GLIS1: variants seen among roughly 807,000 people sequenced by gnomAD.
GLIS1 encodes zinc finger protein GLIS1.
In GLIS1, 24 loss-of-function variants were observed where a neutral mutation model predicts 63.8. The observed-to-expected ratio is 0.38, with a 90% confidence interval of 0.27 to 0.53. The LOEUF (loss-of-function observed/expected upper bound fraction) is 0.53. Ranked by LOEUF, GLIS1 falls within the 20% of genes least tolerant of loss-of-function variation. The probability of loss-of-function intolerance (pLI) is 0.85; values close to 1 mark genes in which losing one functional copy is unlikely to be tolerated. For synonymous variants in GLIS1, 450 were observed against 482.5 expected, an observed-to-expected ratio of 0.93 and a Z score of 0.88; for missense variants, 1,036 against 1,074.1, an observed-to-expected ratio of 0.96 and a Z score of 0.50.
At chr1:53,641,595 C>T (rs1021747604) in intron 2 of GLIS1, among the ~76,000 whole-genome samples, 12 of 152,102 alleles carry the variant, frequency 7.9e-5, no homozygotes, top group South Asian at 2.1e-4. Flanking sequence ...AAACTCTGGC[C>T]CGTGGGTGTG....
chr1:53,714,555 T>C (rs1195529291), intron 2 of GLIS1, among the ~76,000 whole-genome samples: 2 of 152,220 alleles, frequency 1.3e-5, no homozygotes, highest in Non-Finnish European at 2.9e-5. Flanking sequence ...CAGTCCACGA[T>C]GGTCTGAAAG....
intron 3 of GLIS1, among the ~76,000 whole-genome samples, chr1:53,595,318 C>T (rs12072004): frequency 6.6e-5 from 10 of 151,952 alleles, no homozygotes; most frequent in South Asian, 2.1e-4. Context: ...GGAGTGTTCA[C>T]GACCAGCTTG....
chr1:53,629,862 G>C (rs1053340774), intron 2 of GLIS1, among the ~76,000 whole-genome samples: 2 of 152,194 alleles, frequency 1.3e-5, no homozygotes, highest in African/African-American at 4.8e-5. Context: ...TGCAGGCCTT[G>C]AGAAGGCCAC....
intron 4 of GLIS1, among the ~76,000 whole-genome samples, chr1:53,537,588 C>T (rs1184751604): frequency 6.6e-6 from 1 of 152,172 alleles, no homozygotes; most frequent in East Asian, 1.9e-4. Context: ...CCACAAACGG[C>T]TGGTAGAAGT....
chr1:53,575,907 G>C (rs1278278055), intron 4 of GLIS1, among the ~76,000 whole-genome samples: 2 of 152,216 alleles, frequency 1.3e-5, no homozygotes, highest in East Asian at 3.9e-4. Flanking sequence ...GGGCCCCAAG[G>C]GGGTACAGTG....
chr1:53,674,933 C>T (rs933293444), intron 2 of GLIS1, among the ~76,000 whole-genome samples: 1 of 152,154 alleles, frequency 6.6e-6, no homozygotes, highest in Non-Finnish European at 1.5e-5. Context: ...AGAGAGATTA[C>T]AAGCAGATTT....
intron 4 of GLIS1, among the ~76,000 whole-genome samples, chr1:53,544,439 T>C (rs66934954): frequency 0.2 from 30,910 of 152,158 alleles, 3,538 homozygotes; most frequent in South Asian, 0.33. Flanking sequence ...CCTGCCACTC[T>C]CTTCCCTGGC....
At chr1:53,712,707 T>A (rs187737715) in intron 2 of GLIS1, among the ~76,000 whole-genome samples, 1 of 152,252 alleles carries the variant, frequency 6.6e-6, no homozygotes, top group East Asian at 1.9e-4. Flanking sequence ...CTGGCAGAAG[T>A]GGCTTGCAGA....
At chr1:53,573,947 T>C (rs901515995) in intron 4 of GLIS1, among the ~76,000 whole-genome samples, 17 of 152,242 alleles carry the variant, frequency 1.1e-4, no homozygotes, top group Non-Finnish European at 2.9e-5. Flanking sequence ...CAGGGCATCC[T>C]TTCTGCTCCA....
At chr1:53,696,656 C>CG (rs11402450) in intron 2 of GLIS1, among the ~76,000 whole-genome samples, 39,233 of 151,696 alleles carry the variant, frequency 0.26, 5,572 homozygotes, top group African/African-American at 0.38. Context: ...TATTTCTCTC[C>CG]TTCCCTCCAC....
intron 2 of GLIS1, among the ~76,000 whole-genome samples, chr1:53,622,192 C>G (rs1050243968): frequency 9.9e-5 from 15 of 151,828 alleles, no homozygotes; most frequent in Admixed American, 7.9e-4. Context: ...CTTTGGGAGG[C>G]CGAGGTGGGT....
chr1:53,588,577 G>A (rs1026157263), intron 4 of GLIS1, among the ~76,000 whole-genome samples: 2 of 152,190 alleles, frequency 1.3e-5, no homozygotes, highest in African/African-American at 4.8e-5. Context: ...TCAGGATCCT[G>A]GGTAATTCCC....
chr1:53,704,503 C>T (rs1450576211), intron 2 of GLIS1, among the ~76,000 whole-genome samples: 2 of 152,186 alleles, frequency 1.3e-5, no homozygotes, highest in Admixed American at 1.3e-4. Flanking sequence ...ACACACAGCC[C>T]TGCCACCCTG....
intron 5 of GLIS1, among the ~76,000 whole-genome samples, chr1:53,527,597 C>G (rs1481012999): frequency 1.3e-5 from 2 of 152,242 alleles, no homozygotes; most frequent in African/African-American, 4.8e-5. Context: ...AACTTTCCCG[C>G]CCATGGAGAG....
At chr1:53,629,603 GAC>G (rs1396674100) in intron 2 of GLIS1, among the ~76,000 whole-genome samples, 3 of 152,186 alleles carry the variant, frequency 2.0e-5, no homozygotes, top group African/African-American at 7.2e-5. Context: ...CCACATCTTA[GAC>G]ACAGTGAGCT....
chr1:53,691,214 A>C (rs931752155), intron 2 of GLIS1, among the ~76,000 whole-genome samples: 1 of 152,148 alleles, frequency 6.6e-6, no homozygotes, highest in Admixed American at 6.5e-5. Flanking sequence ...GTAGAGATTC[A>C]GGCTAGGGCG....
chr1:53,556,036 G>GGTGT (rs143953220), intron 4 of GLIS1, among the ~76,000 whole-genome samples: 3 of 116,186 alleles, frequency 2.6e-5, no homozygotes, highest in Non-Finnish European at 5.0e-5. Flanking sequence ...GTGTATTGCA[G>GGTGT]GTGTGTGTGT....
At chr1:53,637,907 CA>C (rs1184740546) in intron 2 of GLIS1, among the ~76,000 whole-genome samples, 1 of 152,208 alleles carries the variant, frequency 6.6e-6, no homozygotes, top group Non-Finnish European at 1.5e-5. Flanking sequence ...GTGCAGAGGA[CA>C]GGGGCATGGA....
intron 2 of GLIS1, among the ~76,000 whole-genome samples, chr1:53,633,454 G>A (rs1645691003): frequency 6.9e-6 from 1 of 144,796 alleles, no homozygotes; most frequent in Non-Finnish European, 1.6e-5. Flanking sequence ...TGTGACTGAG[G>A]GGTGTGAATG....
Sources: allele counts gnomAD v4.1 joint callset (sites outside exome capture counted in the v4.1 genomes callset), GRCh38; gene constraint gnomAD v4.1.1; transcripts MANE v1.5; gene names NCBI Gene and HGNC (gene_info 2026-07-23, HGNC 2026-07-21).